Variants in CNBD2 observed in about 807,000 individuals in gnomAD.
The protein encoded by CNBD2 is cyclic nucleotide binding domain containing 2.
A neutral mutation model predicts 63.7 loss-of-function variants in CNBD2; 64 were observed. The observed-to-expected ratio is 1.00, with a 90% confidence interval of 0.82 to 1.24. The LOEUF (loss-of-function observed/expected upper bound fraction) is 1.24. Among genes scored for constraint, CNBD2 ranks in the 50% most tolerant of loss-of-function variants. The pLI is 0.00. For synonymous variants in CNBD2, 229 were observed against 255.4 expected, an observed-to-expected ratio of 0.90 and a Z score of 0.99; for missense variants, 691 against 713.5, an observed-to-expected ratio of 0.97 and a Z score of 0.36.
At chr20:36,008,980 G>T (rs1044705242) in intron 9 of CNBD2, among the ~76,000 whole-genome samples, 2 of 151,918 alleles carry the variant, frequency 1.3e-5, no homozygotes, top group African/African-American at 4.8e-5. Flanking sequence ...CTAACTCTTG[G>T]GGTTGTTGCA....
chr20:35,990,717 G>A (rs1280354187), intron 7 of CNBD2, among the ~76,000 whole-genome samples: 4 of 152,096 alleles, frequency 2.6e-5, no homozygotes, highest in Admixed American at 6.5e-5. Flanking sequence ...TTGGGAGGCC[G>A]AGGCGGGTGG....
intron 5 of CNBD2, 134 bp from the exon 6 acceptor site, chr20:35,984,493 G>T: frequency 1.1e-6 from 1 of 921,328 alleles, no homozygotes; most frequent in East Asian, 2.6e-5. Flanking sequence ...CAGGAGAATA[G>T]AGGAGGCTAG....
intron 8 of CNBD2, among the ~76,000 whole-genome samples, chr20:35,999,634 A>G (rs1463189616): frequency 6.6e-6 from 1 of 151,640 alleles, no homozygotes; most frequent in Non-Finnish European, 1.5e-5. Context: ...TATATTAAAA[A>G]CCTTACCATA....
chr20:35,982,456 T>C (rs182040170), intron 4 of CNBD2, among the ~76,000 whole-genome samples: 69 of 152,240 alleles, frequency 4.5e-4, no homozygotes, highest in African/African-American at 1.6e-3. Context: ...CGTTATCCCT[T>C]GAATGTGCCG....
intron 7 of CNBD2, among the ~76,000 whole-genome samples, chr20:35,994,753 G>A (rs2056799805): frequency 1.3e-5 from 2 of 151,860 alleles, no homozygotes; most frequent in South Asian, 4.2e-4. Context: ...GCCGGGCATG[G>A]TGGCACATGT....
At chr20:36,001,723 C>T (rs868032543) in intron 8 of CNBD2, among the ~76,000 whole-genome samples, 4,755 of 115,026 alleles carry the variant, frequency 0.041, 141 homozygotes, top group African/African-American at 0.15. Context: ...CAGACGGGGT[C>T]GCGGCCGGGT....
chr20:35,994,575 T>TA (rs565944995), intron 7 of CNBD2, among the ~76,000 whole-genome samples: 5,490 of 131,112 alleles, frequency 0.042, 288 homozygotes, highest in African/African-American at 0.13. Flanking sequence ...CATTTTCATT[T>TA]AAAAAAAAAA....
At chr20:36,025,684 A>C (rs1568934237) in intron 11 of CNBD2, among the ~76,000 whole-genome samples, 1 of 152,140 alleles carries the variant, frequency 6.6e-6, no homozygotes, top group South Asian at 2.1e-4. Flanking sequence ...AATTTTCTAG[A>C]GTGAATGTTA....
At chr20:36,006,414 A>T (rs1274712486) in intron 8 of CNBD2, among the ~76,000 whole-genome samples, 1 of 151,118 alleles carries the variant, frequency 6.6e-6, no homozygotes, top group Non-Finnish European at 1.5e-5. Flanking sequence ...TAAATGACAA[A>T]TTAGAAAAAA....
At chr20:35,954,799 T>G in exon 1 of CNBD2, 1 of 364,222 alleles carries the variant, frequency 2.7e-6, no homozygotes, top group Non-Finnish European at 5.3e-6. Flanking sequence ...CCTGATGAGC[T>G]GTAGCTCTGA....
At chr20:35,975,191 C>G (rs1406534316) in intron 2 of CNBD2, among the ~76,000 whole-genome samples, 1 of 133,806 alleles carries the variant, frequency 7.5e-6, no homozygotes, top group South Asian at 2.4e-4. Context: ...TTAGTAGAGA[C>G]GGGGTTTCAC....
chr20:35,992,557 G>A (rs188760560), intron 7 of CNBD2, among the ~76,000 whole-genome samples: 1 of 152,214 alleles, frequency 6.6e-6, no homozygotes, highest in East Asian at 1.9e-4. Context: ...AAAATAATGC[G>A]GAAGTCACTA....
intron 11 of CNBD2, among the ~76,000 whole-genome samples, chr20:36,029,386 C>A (rs73289734): frequency 0.012 from 1,792 of 152,246 alleles, 28 homozygotes; most frequent in African/African-American, 0.041. Context: ...GTTAATGGAA[C>A]TTTTTAAGTG....
At chr20:35,954,739 C>G in exon 1 of CNBD2, 2 of 798,818 alleles carry the variant, frequency 2.5e-6, no homozygotes, top group Non-Finnish European at 3.5e-6. Context: ...ATCCGTGCGC[C>G]GCTTCGGTTT....
rs1467026240 is a variant in CNBD2, at chr20:35,985,503, T to TGA, written c.716+731_716+732dup. ...CTATAATTCCTTTTTTTTTTTTTTT[T>TGA]GAGAGAGGGTCTTGCTCTGTTGCCC... On this transcript the variant is annotated intron_variant, in intron 6 of 11. Transcript: ENST00000373973. Among the ~76,000 whole-genome samples, 844 of 150,418 alleles carry TGA rather than the reference T, an allele frequency of 5.6e-3. 3 individuals are homozygous for TGA. Among genetic ancestry groups the TGA allele is most frequent in the Non-Finnish European group, 8.6e-3 (579 of 67,580 alleles).
chr20:36,022,880 A>G lies in CNBD2; in HGVS notation c.1270-722A>G, dbSNP rs2057236102. On this transcript the variant is annotated intron_variant, in intron 10 of 11. Coordinates refer to ENST00000373973, the MANE Select transcript of CNBD2 (RefSeq NM_001365709.1). ...AGTGATCCACCCGCCTGGGCCTCCC[A>G]AAGTGCTGGGATTACAGGTGTGAGC... 2.6e-5 allele frequency among the ~76,000 whole-genome samples: 4 copies of G among 152,130 alleles called. No individual in the cohort carries two copies. The South Asian group carries it at 8.3e-4, about 31-fold the overall frequency.
chr20:36,013,311 G>A (rs11698639), intron 10 of CNBD2, among the ~76,000 whole-genome samples: 34 of 151,956 alleles, frequency 2.2e-4, no homozygotes, highest in East Asian at 3.9e-4. Flanking sequence ...CCAGCTACTC[G>A]GGAGGCTGAG....
chr20:36,011,932 C>T (rs775646396), intron 10 of CNBD2, among the ~76,000 whole-genome samples: 7 of 151,860 alleles, frequency 4.6e-5, no homozygotes, highest in Non-Finnish European at 8.8e-5. Flanking sequence ...CTGAAGCGGG[C>T]GAATCACTTG....
Position 36,030,550 on chromosome 20 carries a change from TA to T in CNBD2, c.1634del (p.Tyr545PhefsTer14), listed in dbSNP as rs1395869581. ...CATCAACAAGACGACTAAACCTCGT[TA>T]TCCTATTTTTATGGCACCCCAGAAA... ...CSINKTTKPR[Y>X]PIFMAPQKYL... On this transcript the variant is annotated frameshift_variant, in exon 12 of 12. Transcript: ENST00000373973. LOFTEE classifies it high-confidence loss of function. The T allele has an allele frequency of 6.2e-7, 1 of 1,614,134 alleles. No individual in the cohort carries two copies. The highest frequency in any genetic ancestry group is 8.5e-7 in the Non-Finnish European group (1 of 1,180,032).
Sources: gnomAD v4.1 joint callset for allele counts (sites outside exome capture counted in the v4.1 genomes callset) on GRCh38, gnomAD v4.1.1 for gene constraint, MANE v1.5 for transcripts, NCBI Gene and HGNC (gene_info 2026-07-23, HGNC 2026-07-21) for gene names.